GABPB1: variants seen among roughly 807,000 people sequenced by gnomAD.
GABPB1 encodes the protein GA-binding protein subunit beta-1.
In GABPB1, 15 loss-of-function variants were observed where a neutral mutation model predicts 45.9. The observed-to-expected ratio is 0.33, with a 90% CI of 0.22 to 0.50. GABPB1 has a LOEUF of 0.50. GABPB1 is among the 20% of genes least tolerant of loss of function. GABPB1 has a pLI of 0.98. For missense variants in GABPB1, 252 were observed against 457.5 expected (o/e 0.55, Z 4.10); for synonymous variants, 143 against 154.4 (o/e 0.93, Z 0.55).
intron 1 of GABPB1, among the ~76,000 whole-genome samples, chr15:50,346,902 G>T (rs556285849): frequency 6.7e-6 from 1 of 149,732 alleles, no homozygotes; most frequent in South Asian, 2.1e-4. Flanking sequence ...CGATTCTCCT[G>T]CCTCCACCTC....
At chr15:50,300,181 T>G (rs1456964670) in intron 6 of GABPB1, among the ~76,000 whole-genome samples, 1 of 152,162 alleles carries the variant, frequency 6.6e-6, no homozygotes, top group Non-Finnish European at 1.5e-5. Context: ...CATTTTTTTC[T>G]GTGAGCCACA....
At chr15:50,342,932 G>A (rs965288055) in intron 1 of GABPB1, among the ~76,000 whole-genome samples, 3 of 151,988 alleles carry the variant, frequency 2.0e-5, no homozygotes, top group Non-Finnish European at 2.9e-5. Context: ...ATGGAGTCTC[G>A]CTCTGTCGCC....
At chr15:50,283,851 T>C (rs1028126614) in intron 8 of GABPB1, among the ~76,000 whole-genome samples, 23 of 152,208 alleles carry the variant, frequency 1.5e-4, no homozygotes, top group African/African-American at 4.3e-4. Flanking sequence ...ACTCTGGTCA[T>C]TGCAGTCACA....
At chr15:50,353,587 A>C (rs2048946220) in intron 1 of GABPB1, 1 of 152,000 alleles carries the variant, frequency 6.6e-6, no homozygotes, top group Admixed American at 6.5e-5. Context: ...GGAAAAAAAA[A>C]ACCAAGAGAA....
intron 1 of GABPB1, among the ~76,000 whole-genome samples, chr15:50,345,477 G>T (rs968420661): frequency 7.2e-5 from 11 of 152,094 alleles, no homozygotes; most frequent in Non-Finnish European, 1.6e-4. Context: ...TGAGGTAGGA[G>T]GATCACCTGA....
intron 1 of GABPB1, among the ~76,000 whole-genome samples, chr15:50,348,493 C>G (rs571247995): frequency 6.6e-6 from 1 of 151,712 alleles, no homozygotes; most frequent in Non-Finnish European, 1.5e-5. Flanking sequence ...TCAAGTGATC[C>G]GCCCGCCTCG....
intron 1 of GABPB1, among the ~76,000 whole-genome samples, chr15:50,342,394 C>A (rs1173056804): frequency 6.6e-6 from 1 of 151,590 alleles, no homozygotes; most frequent in Non-Finnish European, 1.5e-5. Flanking sequence ...ATTTTAGTAT[C>A]TAGCAGCTTC....
chr15:50,297,085 A>T (rs2046543723), intron 6 of GABPB1, among the ~76,000 whole-genome samples: 1 of 145,148 alleles, frequency 6.9e-6, no homozygotes, highest in African/African-American at 2.6e-5. Flanking sequence ...TAATGTTTGT[A>T]TTTTTAGTAG....
At chr15:50,337,995 C>CA (rs1025398498) in intron 1 of GABPB1, among the ~76,000 whole-genome samples, 1 of 151,270 alleles carries the variant, frequency 6.6e-6, no homozygotes, top group Non-Finnish European at 1.5e-5. Flanking sequence ...ATAATTCATT[C>CA]AAAAAAAAAT....
intron 4 of GABPB1, among the ~76,000 whole-genome samples, chr15:50,302,211 G>A (rs1475280040): frequency 1.3e-5 from 2 of 152,086 alleles, no homozygotes; most frequent in Non-Finnish European, 2.9e-5. Flanking sequence ...AAAGATAAAA[G>A]AAACAAATCA....
At chr15:50,302,506 T>G (rs1385083518) in intron 4 of GABPB1, among the ~76,000 whole-genome samples, 1 of 151,772 alleles carries the variant, frequency 6.6e-6, no homozygotes, top group Non-Finnish European at 1.5e-5. Flanking sequence ...TAGCCAGGCA[T>G]GGCAGCATGC....
chr15:50,350,161 T>C (rs529777027), intron 1 of GABPB1: 1 of 152,018 alleles, frequency 6.6e-6, no homozygotes, highest in South Asian at 2.1e-4. Context: ...TAATGATCAA[T>C]AGTACTGGCT....
At chr15:50,293,197 T>C (rs561861940) in intron 6 of GABPB1, among the ~76,000 whole-genome samples, 3 of 152,328 alleles carry the variant, frequency 2.0e-5, no homozygotes, top group African/African-American at 7.2e-5. Flanking sequence ...GCTGAGTTTC[T>C]ATCAACTCAC....
At chr15:50,352,501 A>AT (rs1275143543) in intron 1 of GABPB1, 2 of 151,964 alleles carry the variant, frequency 1.3e-5, no homozygotes, top group African/African-American at 4.8e-5. Flanking sequence ...CGCCCAGCTA[A>AT]TTTTTTGTAT....
chr15:50,311,704 A>G (rs1488626594), intron 1 of GABPB1, among the ~76,000 whole-genome samples: 1 of 152,192 alleles, frequency 6.6e-6, no homozygotes, highest in Non-Finnish European at 1.5e-5. Context: ...GCACTCAATA[A>G]GGAAGAGAAA....
chr15:50,281,235 G>A (rs757126336), intron 8 of GABPB1, among the ~76,000 whole-genome samples: 16 of 151,740 alleles, frequency 1.1e-4, no homozygotes, highest in African/African-American at 2.2e-4. Flanking sequence ...TTTTTGAGAC[G>A]GAGTCTTGCT....
At chr15:50,318,129 C>T (rs901136990) in intron 1 of GABPB1, among the ~76,000 whole-genome samples, 1 of 152,036 alleles carries the variant, frequency 6.6e-6, no homozygotes, top group African/African-American at 2.4e-5. Flanking sequence ...ATCTAAAGGG[C>T]CTTAACAAGA....
At chr15:50,289,820 T>C in intron 6 of GABPB1, 152 bp from the exon 7 acceptor site, 1 of 603,122 alleles carries the variant, frequency 1.7e-6, no homozygotes, top group Non-Finnish European at 2.9e-6. Context: ...ATGCCCAGGC[T>C]GGAGGGTAGT....
intron 7 of GABPB1, among the ~76,000 whole-genome samples, chr15:50,287,211 G>C (rs1040449448): frequency 1.7e-4 from 26 of 152,096 alleles, no homozygotes; most frequent in Non-Finnish European, 5.9e-5. Context: ...GAAGGCTTTA[G>C]AAGTTTTTTT....
Sources: gnomAD v4.1 joint callset for allele counts (sites outside exome capture counted in the v4.1 genomes callset) on GRCh38, gnomAD v4.1.1 for gene constraint, MANE v1.5 for transcripts, NCBI Gene and HGNC (gene_info 2026-07-23, HGNC 2026-07-21) for gene names.